The following RSF1 variants were observed in gnomAD, a reference collection of about 807,000 sequenced individuals.
RSF1 encodes the protein remodeling and spacing factor 1.
In RSF1, 13 loss-of-function variants were observed where a neutral mutation model predicts 145.2. The ratio of observed to expected loss-of-function variants is 0.09; its 90% CI spans 0.06 to 0.14. RSF1 has a LOEUF of 0.14. Among genes scored for constraint, RSF1 ranks in the 10% least tolerant of loss-of-function variants. The pLI is 1.00. For synonymous variants in RSF1, 577 were observed against 592.6 expected (o/e 0.97, Z 0.38); for missense variants, 1,517 against 1,718.2 (o/e 0.88, Z 2.07).
chr11:77,734,619 T>C lies in RSF1; in HGVS notation c.578+6112A>G, dbSNP rs1041590980. Reference sequence around the variant, plus strand: ...CTTTCACCTGCTCATTCAGGTAATGTGTCTCAATGAAGTCACACAAATGGG... The same window carrying C: ...CTTTCACCTGCTCATTCAGGTAATGCGTCTCAATGAAGTCACACAAATGGG... On this transcript the variant is annotated intron_variant, in intron 4 of 15. Coordinates refer to ENST00000308488, the MANE Select transcript of RSF1 (RefSeq NM_016578.4). 35 of 1,521,014 alleles carry C rather than the reference T, an allele frequency of 2.3e-5. No individual in the cohort carries two copies. In the East Asian group the frequency reaches 4.3e-4, roughly 19 times the overall value. 94.2% of individuals were successfully genotyped at this position (1,521,014 alleles called of 1,614,324 possible).
At chr11:77,822,161 C>T (rs1413040142), upstream of RSF1, among the ~76,000 whole-genome samples, 1 of 151,974 alleles carries the variant, frequency 6.6e-6, no homozygotes, top group African/African-American at 2.4e-5. Context: ...AGAATTTGGC[C>T]GGGCGCGGTG....
chr11:77,744,496 GA>G (rs1395891097), intron 3 of RSF1, among the ~76,000 whole-genome samples: 4 of 152,028 alleles, frequency 2.6e-5, no homozygotes, highest in African/African-American at 9.7e-5. Flanking sequence ...ACAGAGAAGT[GA>G]TCTCGCTATG....
chr11:77,694,592 A>C (rs1208489391), intron 7 of RSF1, among the ~76,000 whole-genome samples: 1 of 152,224 alleles, frequency 6.6e-6, no homozygotes, highest in African/African-American at 2.4e-5. Flanking sequence ...AAGATGGTAC[A>C]AAGTTCTCTT....
chr11:77,800,044 CTAA>C (rs1948611567), intron 1 of RSF1, among the ~76,000 whole-genome samples: 1 of 152,070 alleles, frequency 6.6e-6, no homozygotes, highest in African/African-American at 2.4e-5. Context: ...ACGTGGGAGG[CTAA>C]TGTGTGAGGA....
chr11:77,672,008 C>T (rs1014146097), intron 15 of RSF1, 34 bp downstream of exon 15: 1 of 1,558,158 alleles, frequency 6.4e-7, no homozygotes, highest in African/African-American at 1.4e-5. Context: ...TTTGCCCTGT[C>T]CAAACTTCTA....
At chr11:77,743,319 T>C (rs1032300728) in intron 3 of RSF1, among the ~76,000 whole-genome samples, 1 of 152,200 alleles carries the variant, frequency 6.6e-6, no homozygotes, top group Admixed American at 6.5e-5. Flanking sequence ...GTAGATCACT[T>C]TGGGTAGTAC....
At chr11:77,852,788 G>A in the RSF1 span, among the ~76,000 whole-genome samples, 3 of 151,484 alleles carry the variant, frequency 2.0e-5, no homozygotes, top group Admixed American at 1.3e-4. Context: ...TTTTCCATAC[G>A]CAAAAGGTAG....
the RSF1 span, among the ~76,000 whole-genome samples, chr11:77,831,310 A>G: frequency 6.7e-6 from 1 of 149,078 alleles, no homozygotes; most frequent in African/African-American, 2.6e-5. Flanking sequence ...AATGATAAAC[A>G]TAAAGTTACT....
intron 1 of RSF1, among the ~76,000 whole-genome samples, chr11:77,807,560 C>T (rs1948689287): frequency 6.6e-6 from 1 of 152,096 alleles, no homozygotes; most frequent in Non-Finnish European, 1.5e-5. Flanking sequence ...GCAAAGTAAA[C>T]GAAAGACAGA....
chr11:77,754,279 C>A (rs749478208), intron 2 of RSF1, among the ~76,000 whole-genome samples: 1 of 152,068 alleles, frequency 6.6e-6, no homozygotes, highest in Non-Finnish European at 1.5e-5. Context: ...TACTCTGGAT[C>A]GGGTGCTTAC....
chr11:77,660,430 T>C lies in RSF1; in HGVS notation c.*6487A>G, dbSNP rs1222225592. 1 of 138,014 alleles carries C rather than the reference T, an allele frequency of 7.2e-6. No homozygotes were observed. The highest frequency in any genetic ancestry group is 1.6e-5 in the Non-Finnish European group (1 of 63,778). 8.5% of individuals were successfully genotyped at this position (138,014 alleles called of 1,614,324 possible). On this transcript the variant is annotated 3_prime_UTR_variant, in exon 16 of 16. Coordinates refer to ENST00000308488, the MANE Select transcript of RSF1 (RefSeq NM_016578.4). ...CCCTGCCCCCCCACCCCCACACACA[T>C]GCAGTACATTATGTGACAGAGAGCA...
At chr11:77,754,294 A>C (rs953708714) in intron 2 of RSF1, among the ~76,000 whole-genome samples, 21 of 152,210 alleles carry the variant, frequency 1.4e-4, no homozygotes, top group Non-Finnish European at 1.5e-5. Flanking sequence ...GCTTACTGAC[A>C]GCCTCAATAA....
rs117675199 is a variant in RSF1 at position 77,699,662 on chromosome 11, G to A, written c.2509-969C>T. Among the ~76,000 whole-genome samples the A allele has an allele frequency of 1.1e-3, 168 of 152,288 alleles. No homozygotes were observed. In the East Asian group the frequency reaches 0.031, roughly 28 times the overall value. On this transcript the variant is annotated intron_variant, in intron 6 of 15. Coordinates refer to ENST00000308488, the MANE Select transcript of RSF1 (RefSeq NM_016578.4). ...CACTGTCATACACTGGTAATAAGAT[G>A]CTATATTAATGGAGCCTTTTTGGAG...
In RSF1 at chr11:77,660,481, A is replaced by G. The variant is rs1959221622; in HGVS notation, c.*6436T>C. The stretch of plus-strand genomic sequence containing the variant: ...CTCCAGCTTCTATTTGACTAACAGC[A>G]TGGTCCTGATTACCTCAAGAGTTAG... On this transcript the variant is annotated 3_prime_UTR_variant, in exon 16 of 16. Transcript: ENST00000308488. 1.3e-5 allele frequency: 2 copies of G among 149,122 alleles called. No individual in the cohort carries two copies. Among genetic ancestry groups the G allele is most frequent in the Admixed American group, 6.7e-5 (1 of 14,962 alleles). The allele number at this position is 149,122 out of a possible 1,614,324, so 9.2% of individuals were successfully genotyped here.
rs1440708723 is a variant in RSF1, at chr11:77,701,750, G to A, written c.1479C>T (p.Val493=). The A allele has an allele frequency of 6.2e-7, 1 of 1,613,722 alleles. No homozygotes were observed. The highest frequency in any genetic ancestry group is 1.1e-5 in the South Asian group (1 of 91,042). ...GCTCACCTGTTTTCATACTTGTTATGACAGAATTTAAGGACTCTGTTCCAT... is the reference window on the plus strand; with the variant it reads ...GCTCACCTGTTTTCATACTTGTTATAACAGAATTTAAGGACTCTGTTCCAT... ...EGNGTESLNS[V]ITSMKTGELE... The change falls in exon 6 of 16, where the codon GTC becomes GTT. Residue 493 remains valine, a synonymous_variant. Transcript: ENST00000308488.
chr11:77,825,726 C>G (rs369913066), upstream of RSF1, among the ~76,000 whole-genome samples: 69 of 150,612 alleles, frequency 4.6e-4, no homozygotes, highest in African/African-American at 1.6e-3. Flanking sequence ...CAGTCTCACT[C>G]TGTCGCCCTG....
intron 4 of RSF1, among the ~76,000 whole-genome samples, chr11:77,730,078 A>G (rs994382174): frequency 1.3e-5 from 2 of 152,036 alleles, no homozygotes; most frequent in African/African-American, 4.8e-5. Context: ...TTCCAATATA[A>G]CCCAATTAAG....
In RSF1 at chr11:77,675,600, G is replaced by A. The variant is rs182352306; in HGVS notation, c.3342-344C>T. On this transcript the variant is annotated intron_variant, in intron 13 of 15. Coordinates refer to ENST00000308488, the MANE Select transcript of RSF1 (RefSeq NM_016578.4). ...TGGTATTTGGCACCATCACTCATCC[G>A]GTAACTCCAACCAGAAACGTGGTAT... Among the ~76,000 whole-genome samples, 11 of 152,182 alleles carry A rather than the reference G, an allele frequency of 7.2e-5. No homozygotes were observed. In the South Asian group the frequency reaches 1.2e-3, roughly 17 times the overall value.
At chr11:77,791,495 CT>C (rs2135967159) in intron 1 of RSF1, among the ~76,000 whole-genome samples, 1 of 152,280 alleles carries the variant, frequency 6.6e-6, no homozygotes, top group Non-Finnish European at 1.5e-5. Context: ...TCAATTTCTC[CT>C]TAGAAAATGG....
Sources: gnomAD v4.1 joint callset for allele counts (sites outside exome capture counted in the v4.1 genomes callset) on GRCh38, gnomAD v4.1.1 for gene constraint, MANE v1.5 for transcripts, NCBI Gene and HGNC (gene_info 2026-07-23, HGNC 2026-07-21) for gene names.